Variants in NDUFS4 observed in about 807,000 individuals in gnomAD.
The protein encoded by NDUFS4 is NADH:ubiquinone oxidoreductase subunit S4, also known as NADH dehydrogenase [ubiquinone] iron-sulfur protein 4, mitochondrial.
Under a neutral mutation model 24.3 loss-of-function variants are expected in NDUFS4, and 28 were observed. The ratio of observed to expected loss-of-function variants is 1.15; its 90% confidence interval spans 0.85 to 1.58. The LOEUF is 1.58. NDUFS4 is among the 40% of genes most tolerant of loss of function. The pLI is 0.00. For synonymous variants in NDUFS4, 93 were observed against 69.7 expected (o/e 1.34, Z -1.67); for missense variants, 223 against 207.9 (o/e 1.07, Z -0.45).
chr5:53,575,058 C>G lies in NDUFS4; in HGVS notation c.98+14298C>G, dbSNP rs186604591. On this transcript the variant is annotated intron_variant, in intron 1 of 4. Transcript: ENST00000296684. The stretch of plus-strand genomic sequence containing the variant: ...CCACCGCATGTGGCTATAGGATTGC[C>G]TATGGCTGATTCATGGTGTATGAGA... Among the ~76,000 whole-genome samples, 1,315 of 152,318 alleles carry G rather than the reference C, an allele frequency of 8.6e-3. 11 individuals carry two copies. Among genetic ancestry groups the G allele is most frequent in the Non-Finnish European group, 0.015 (1,022 of 68,034 alleles).
intron 1 of NDUFS4, among the ~76,000 whole-genome samples, chr5:53,573,066 C>T (rs1749267774): frequency 6.7e-6 from 1 of 148,552 alleles, no homozygotes; most frequent in African/African-American, 2.5e-5. Context: ...ACTTCCCGGA[C>T]TCTAGCGATT....
intron 2 of NDUFS4, among the ~76,000 whole-genome samples, chr5:53,635,214 ACC>A (rs1751514903): frequency 1.3e-5 from 2 of 151,474 alleles, no homozygotes; most frequent in Non-Finnish European, 2.9e-5. Flanking sequence ...TAAATAAATA[ACC>A]AACCAACCAA....
intron 2 of NDUFS4, among the ~76,000 whole-genome samples, chr5:53,633,555 G>A (rs1751468783): frequency 6.6e-6 from 1 of 152,034 alleles, no homozygotes; most frequent in African/African-American, 2.4e-5. Flanking sequence ...TCTTCATCTA[G>A]CCTACGCATA....
At chr5:53,640,514 A>C (rs1191623599) in intron 2 of NDUFS4, among the ~76,000 whole-genome samples, 1 of 152,152 alleles carries the variant, frequency 6.6e-6, no homozygotes, top group Non-Finnish European at 1.5e-5. Context: ...TACTCATGGC[A>C]GAAGGTGAAG....
chr5:53,651,653 G>T (rs550565275), intron 3 of NDUFS4, among the ~76,000 whole-genome samples: 1 of 151,944 alleles, frequency 6.6e-6, no homozygotes, highest in South Asian at 2.1e-4. Flanking sequence ...TTTGCTGTGG[G>T]TCAAAGAATG....
intron 2 of NDUFS4, among the ~76,000 whole-genome samples, chr5:53,618,388 A>G (rs1750919798): frequency 8.0e-6 from 1 of 125,532 alleles, no homozygotes; most frequent in Non-Finnish European, 1.9e-5. Flanking sequence ...CTGGAATTAT[A>G]ATTATTATTC....
In NDUFS4 at chr5:53,590,323, C is replaced by T. The variant is rs145215844; in HGVS notation, c.99-13129C>T. On this transcript the variant is annotated intron_variant, in intron 1 of 4. Coordinates refer to ENST00000296684, the MANE Select transcript of NDUFS4 (RefSeq NM_002495.4). ...TTTGCTCTTATGTGCTTGCTTATAACATAAATCTATTAATAAAGATTCACA... is the reference window on the plus strand; with the variant it reads ...TTTGCTCTTATGTGCTTGCTTATAATATAAATCTATTAATAAAGATTCACA... 3.3e-3 allele frequency among the ~76,000 whole-genome samples: 504 copies of T among 152,228 alleles called. 4 individuals are homozygous for T. Among genetic ancestry groups the T allele is most frequent in the African/African-American group, 0.011 (462 of 41,514 alleles).
chr5:53,667,580 G>C (rs1285585638), intron 4 of NDUFS4, among the ~76,000 whole-genome samples: 1 of 151,618 alleles, frequency 6.6e-6, no homozygotes, highest in Non-Finnish European at 1.5e-5. Flanking sequence ...TAGGTAAATA[G>C]TAGTGAAGGA....
At chr5:53,658,734 G>A in intron 4 of NDUFS4, 110 bp downstream of exon 4, 1 of 650,966 alleles carries the variant, frequency 1.5e-6, no homozygotes, top group Non-Finnish European at 2.5e-6. Flanking sequence ...TGGTTTCATT[G>A]TATCTAATCC....
chr5:53,611,470 G>T (rs987826092), intron 2 of NDUFS4, among the ~76,000 whole-genome samples: 3 of 151,712 alleles, frequency 2.0e-5, no homozygotes, highest in East Asian at 1.9e-4. Flanking sequence ...TTAGTTTGTT[G>T]TGTATAAACT....
intron 2 of NDUFS4, among the ~76,000 whole-genome samples, chr5:53,634,563 G>A (rs541479410): frequency 1.3e-5 from 2 of 152,172 alleles, no homozygotes; most frequent in East Asian, 1.9e-4. Flanking sequence ...GTTCTGTTCT[G>A]TTCTGTTCTT....
chr5:53,596,258 A>G (rs1017696733), intron 1 of NDUFS4, among the ~76,000 whole-genome samples: 1 of 147,536 alleles, frequency 6.8e-6, no homozygotes. Context: ...TGGTGAAACC[A>G]TATCCCTATA....
At chr5:53,577,615 G>C (rs1749427758) in intron 1 of NDUFS4, among the ~76,000 whole-genome samples, 1 of 151,882 alleles carries the variant, frequency 6.6e-6, no homozygotes, top group African/African-American at 2.4e-5. Flanking sequence ...TGGTCTCTTG[G>C]TGATTATATT....
intron 3 of NDUFS4, among the ~76,000 whole-genome samples, chr5:53,649,447 A>C (rs1751957328): frequency 6.6e-6 from 1 of 152,194 alleles, no homozygotes; most frequent in African/African-American, 2.4e-5. Flanking sequence ...ACAAATGAGA[A>C]CATGCAGTCT....
intron 1 of NDUFS4, among the ~76,000 whole-genome samples, chr5:53,570,533 T>C (rs1749175286): frequency 6.6e-6 from 1 of 152,154 alleles, no homozygotes; most frequent in African/African-American, 2.4e-5. Context: ...GGGTAGAAGA[T>C]TCCTGGGTCA....
intron 2 of NDUFS4, among the ~76,000 whole-genome samples, chr5:53,626,925 G>C (rs1364218962): frequency 6.6e-6 from 1 of 152,110 alleles, no homozygotes; most frequent in Non-Finnish European, 1.5e-5. Context: ...TGTTACAATT[G>C]CTTTTGGTGT....
intron 2 of NDUFS4, among the ~76,000 whole-genome samples, chr5:53,612,632 A>G (rs1455414994): frequency 2.0e-5 from 3 of 152,040 alleles, no homozygotes; most frequent in Admixed American, 6.6e-5. Context: ...GCTACTTGAA[A>G]ATTTCTTCCA....
At chr5:53,596,083 AT>A (rs1750124424) in intron 1 of NDUFS4, among the ~76,000 whole-genome samples, 1 of 152,122 alleles carries the variant, frequency 6.6e-6, no homozygotes, top group African/African-American at 2.4e-5. Context: ...TAAACAAAGC[AT>A]TTGTGGGTTC....
intron 2 of NDUFS4, among the ~76,000 whole-genome samples, chr5:53,626,253 A>T (rs1467118727): frequency 6.6e-6 from 1 of 152,116 alleles, no homozygotes; most frequent in East Asian, 1.9e-4. Flanking sequence ...TCCATGGTGT[A>T]TATGTGCCAC....
Sources: allele counts gnomAD v4.1 joint callset (sites outside exome capture counted in the v4.1 genomes callset), GRCh38; gene constraint gnomAD v4.1.1; transcripts MANE v1.5; gene names NCBI Gene and HGNC (gene_info 2026-07-23, HGNC 2026-07-21).